The following WWOX variants were observed in gnomAD, a reference collection of about 807,000 sequenced individuals.
WWOX encodes WW domain-containing oxidoreductase.
Under a neutral mutation model 46.2 loss-of-function variants are expected in WWOX, and 69 were observed. That is an observed-to-expected ratio of 1.49 (90% CI 1.23 to 1.82). The LOEUF is 1.82. Among genes scored for constraint, WWOX ranks in the 40% most tolerant of loss-of-function variants. The pLI, the probability that WWOX is intolerant of heterozygous loss-of-function variation, is 0.00. For synonymous variants in WWOX, 359 were observed against 202.6 expected (o/e 1.77, Z -6.56); for missense variants, 919 against 542.6 (o/e 1.69, Z -6.89).
At chr16:78,875,511 T>G (rs1253217265) in intron 8 of WWOX, among the ~76,000 whole-genome samples, 6 of 152,204 alleles carry the variant, frequency 3.9e-5, no homozygotes, top group Non-Finnish European at 7.4e-5. Context: ...GTGTTTTGAT[T>G]GCTATTTAAT....
At chr16:78,395,152 C>T (rs8060244) in intron 6 of WWOX, among the ~76,000 whole-genome samples, 9,801 of 152,154 alleles carry the variant, frequency 0.064, 394 homozygotes, top group South Asian at 0.17. Flanking sequence ...AGCAATAAGA[C>T]AACTAATTAA....
intron 8 of WWOX, among the ~76,000 whole-genome samples, chr16:79,202,442 A>G (rs2051374802): frequency 6.6e-6 from 1 of 152,138 alleles, no homozygotes; most frequent in African/African-American, 2.4e-5. Context: ...AAAGAAACCT[A>G]CCTTGTGATT....
At chr16:78,168,564 C>G (rs2151740119) in intron 5 of WWOX, 1 of 152,068 alleles carries the variant, frequency 6.6e-6, no homozygotes, top group African/African-American at 2.4e-5. Context: ...GGCTTCCAAA[C>G]TCCAAGTCTG....
intron 8 of WWOX, among the ~76,000 whole-genome samples, chr16:79,185,355 C>G (rs1017364403): frequency 2.0e-5 from 3 of 152,198 alleles, no homozygotes; most frequent in African/African-American, 7.2e-5. Context: ...TTCATCTTCT[C>G]ACCTCTACTT....
chr16:78,575,904 C>G (rs984447387), intron 8 of WWOX, among the ~76,000 whole-genome samples: 2 of 150,574 alleles, frequency 1.3e-5, no homozygotes, highest in African/African-American at 5.0e-5. Flanking sequence ...CTTTTTACCT[C>G]TTTATATAAA....
rs540357256 is a variant in WWOX, at chr16:78,817,692, C to T, written c.1056+384940C>T. 2.0e-5 allele frequency among the ~76,000 whole-genome samples: 3 copies of T among 152,248 alleles called. No homozygotes were observed. The East Asian group carries it at 5.8e-4, about 30-fold the overall frequency. ...GAGTCTTTGTGTGGTGGCAAACGGG[C>T]CCTGTCTTCGCTTGGCTTCCTCCTA... On this transcript the variant is annotated intron_variant, in intron 8 of 8. Transcript: ENST00000566780.
intron 8 of WWOX, among the ~76,000 whole-genome samples, chr16:78,549,390 C>G (rs887255980): frequency 6.6e-6 from 1 of 152,194 alleles, no homozygotes; most frequent in Non-Finnish European, 1.5e-5. Context: ...GGTTTTTAGA[C>G]AGAATATCAC....
At chr16:78,882,090 C>T (rs1248175205) in intron 8 of WWOX, among the ~76,000 whole-genome samples, 3 of 152,196 alleles carry the variant, frequency 2.0e-5, no homozygotes, top group Admixed American at 6.5e-5. Flanking sequence ...CACACCACTA[C>T]ATTCCAGCCT....
chr16:78,644,540 C>A (rs578145865), intron 8 of WWOX, among the ~76,000 whole-genome samples: 23 of 152,178 alleles, frequency 1.5e-4, no homozygotes, highest in African/African-American at 5.3e-4. Flanking sequence ...CAGCTCACTG[C>A]AACCTCCGCC....
intron 8 of WWOX, among the ~76,000 whole-genome samples, chr16:79,047,823 A>T (rs1046299202): frequency 1.3e-5 from 2 of 151,880 alleles, no homozygotes; most frequent in Admixed American, 1.3e-4. Flanking sequence ...CCATGACGTG[A>T]GCAGATTTGT....
chr16:78,265,825 G>C (rs1196392458), intron 5 of WWOX: 1 of 151,480 alleles, frequency 6.6e-6, no homozygotes, highest in Non-Finnish European at 1.5e-5. Context: ...TAAGTTATTT[G>C]TCAAGTAAAT....
At chr16:79,005,085 C>T (rs1385952600) in intron 8 of WWOX, among the ~76,000 whole-genome samples, 2 of 152,172 alleles carry the variant, frequency 1.3e-5, no homozygotes, top group African/African-American at 4.8e-5. Flanking sequence ...TGGATGCAGT[C>T]AGTCCTCAGT....
intron 8 of WWOX, among the ~76,000 whole-genome samples, chr16:78,683,303 G>C (rs940753350): frequency 1.7e-4 from 20 of 120,096 alleles, no homozygotes; most frequent in African/African-American, 5.5e-4. Context: ...CTGAGCTCAG[G>C]AGGGCGGGTG....
chr16:78,559,902 A>G (rs889368570), intron 8 of WWOX, among the ~76,000 whole-genome samples: 1 of 152,180 alleles, frequency 6.6e-6, no homozygotes, highest in African/African-American at 2.4e-5. Context: ...GACTTGGCTT[A>G]CAATCCGTTG....
intron 8 of WWOX, among the ~76,000 whole-genome samples, chr16:78,939,197 G>C (rs1009399815): frequency 6.6e-6 from 1 of 152,060 alleles, no homozygotes; most frequent in African/African-American, 2.4e-5. Flanking sequence ...AATCATCAAC[G>C]TATATTCATG....
chr16:78,563,692 C>G, intron 8 of WWOX, among the ~76,000 whole-genome samples: 1 of 151,880 alleles, frequency 6.6e-6, no homozygotes, highest in Non-Finnish European at 1.5e-5. Context: ...CATTAATATC[C>G]CTTGTTATTA....
intron 8 of WWOX, among the ~76,000 whole-genome samples, chr16:79,175,280 C>A (rs1451396947): frequency 6.6e-6 from 1 of 152,196 alleles, no homozygotes; most frequent in African/African-American, 2.4e-5. Flanking sequence ...TGAAATCCAA[C>A]TTTATTCAAC....
intron 8 of WWOX, among the ~76,000 whole-genome samples, chr16:79,081,161 A>G (rs1486179623): frequency 1.3e-5 from 2 of 152,094 alleles, no homozygotes; most frequent in Non-Finnish European, 2.9e-5. Context: ...GGGTGCTGAG[A>G]GAACAAGTCT....
At chr16:79,168,129 C>G (rs1222149573) in intron 8 of WWOX, among the ~76,000 whole-genome samples, 1 of 152,144 alleles carries the variant, frequency 6.6e-6, no homozygotes, top group Non-Finnish European at 1.5e-5. Context: ...TCTGTTCATC[C>G]ATTGATGGAC....
Sources: gnomAD v4.1 joint callset for allele counts (sites outside exome capture counted in the v4.1 genomes callset) on GRCh38, gnomAD v4.1.1 for gene constraint, MANE v1.5 for transcripts, NCBI Gene and HGNC (gene_info 2026-07-23, HGNC 2026-07-21) for gene names.